NLRP7: variants seen among roughly 807,000 people sequenced by gnomAD.
The protein encoded by NLRP7 is NLR family pyrin domain containing 7, also known as NACHT, LRR and PYD domains-containing protein 7.
A neutral mutation model predicts 85.5 loss-of-function variants in NLRP7; 72 were observed. That is an observed-to-expected ratio of 0.84 (90% CI 0.70 to 1.02). The LOEUF (loss-of-function observed/expected upper bound fraction) is 1.02, where lower values mean the gene tolerates loss of function less well. Among genes scored for constraint, NLRP7 ranks in the 50% least tolerant of loss-of-function variants. NLRP7 has a pLI of 0.00. For missense variants in NLRP7, 1,243 were observed against 1,219.5 expected, an observed-to-expected ratio of 1.02 and a Z score of -0.29; for synonymous variants, 550 against 505.2, an observed-to-expected ratio of 1.09 and a Z score of -1.19.
chr19:54,949,451 C>T (rs1360974019), upstream of NLRP7, among the ~76,000 whole-genome samples: 1 of 151,944 alleles, frequency 6.6e-6, no homozygotes, highest in Non-Finnish European at 1.5e-5. Context: ...AAATTATATT[C>T]TAGCTGACAA....
chr19:54,946,082 C>G (rs1400621472), intron 1 of NLRP7, among the ~76,000 whole-genome samples: 1 of 151,918 alleles, frequency 6.6e-6, no homozygotes. Context: ...TGAGCCACCG[C>G]GCCCGGCCGA....
chr19:54,926,798 C>A (rs555440540), intron 9 of NLRP7, among the ~76,000 whole-genome samples: 18 of 151,806 alleles, frequency 1.2e-4, no homozygotes, highest in Non-Finnish European at 2.1e-4. Flanking sequence ...CGACTGTAAT[C>A]CTAGCTACTC....
chr19:54,944,670 G>A (rs1419799718), intron 1 of NLRP7, among the ~76,000 whole-genome samples: 1 of 152,074 alleles, frequency 6.6e-6, no homozygotes, highest in Non-Finnish European at 1.5e-5. Flanking sequence ...CTTCAGTGAG[G>A]TATAATTACA....
At chr19:54,936,061 C>T (rs1461661631) in intron 6 of NLRP7, among the ~76,000 whole-genome samples, 200 bp downstream of exon 6, 1 of 152,110 alleles carries the variant, frequency 6.6e-6, no homozygotes, top group Non-Finnish European at 1.5e-5. Flanking sequence ...TGTTTCTTTG[C>T]ATGGATAGCT....
chr19:54,953,661 A>G (rs1005380239), intron 1 of NLRP7, among the ~76,000 whole-genome samples: 6 of 151,594 alleles, frequency 4.0e-5, no homozygotes, highest in African/African-American at 1.2e-4. Flanking sequence ...TGGAGGTGGA[A>G]ATTGGGCATA....
chr19:54,960,931 T>TA (rs1026845469), intron 1 of NLRP7, among the ~76,000 whole-genome samples: 4 of 152,024 alleles, frequency 2.6e-5, no homozygotes, highest in Admixed American at 2.6e-4. Context: ...ATTTGAGTCT[T>TA]AAAAAAATAT....
chr19:54,958,893 A>C (rs1292574566), intron 1 of NLRP7, among the ~76,000 whole-genome samples: 1 of 152,148 alleles, frequency 6.6e-6, no homozygotes, highest in Non-Finnish European at 1.5e-5. Context: ...TGAGCAATCT[A>C]GGGGATACAT....
intron 1 of NLRP7, among the ~76,000 whole-genome samples, chr19:54,957,528 A>G (rs2069899023): frequency 1.3e-5 from 2 of 151,598 alleles, no homozygotes; most frequent in South Asian, 2.1e-4. Flanking sequence ...TATTTTTAGC[A>G]GAGATGGGGT....
chr19:54,935,069 AC>A (rs2068849865), intron 6 of NLRP7, among the ~76,000 whole-genome samples: 2 of 151,974 alleles, frequency 1.3e-5, no homozygotes, highest in Non-Finnish European at 2.9e-5. Flanking sequence ...CATGCCTCCA[AC>A]CCTGGCCTGA....
intron 8 of NLRP7, among the ~76,000 whole-genome samples, chr19:54,933,271 A>C (rs960582657): frequency 2.6e-5 from 4 of 151,842 alleles, no homozygotes; most frequent in Non-Finnish European, 5.9e-5. Flanking sequence ...TCATCCTCCC[A>C]AGTAGCTGGG....
In NLRP7 at chr19:54,944,305, C is replaced by T. The variant is rs532846766; in HGVS notation, c.-39-2555G>A. 5.9e-5 allele frequency among the ~76,000 whole-genome samples: 9 copies of T among 151,774 alleles called. 1 individual carries two copies. The highest frequency in any genetic ancestry group is 1.3e-4 in the Admixed American group (2 of 15,210). ...GAGATAGGGGAAAACCGCCTTAGGG[C>T]TGGAGGTGACACATGCTGGCAGCAA... On this transcript the variant is annotated intron_variant, in intron 1 of 9. Coordinates refer to ENST00000340844, the Ensembl canonical transcript of NLRP7.
chr19:54,939,110 T>C, exon 4 of NLRP7: 6 of 1,614,166 alleles, frequency 3.7e-6, no homozygotes, highest in Non-Finnish European at 5.1e-6. Flanking sequence ...GCCCAAGACC[T>C]CCTTCAGGTC....
At chr19:54,961,563 G>A (rs764832018) in intron 1 of NLRP7, among the ~76,000 whole-genome samples, 6 of 151,298 alleles carry the variant, frequency 4.0e-5, no homozygotes, top group Non-Finnish European at 5.9e-5. Flanking sequence ...GTGGCTGGGC[G>A]TGGTGGTTCA....
chr19:54,953,201 C>A, intron 1 of NLRP7: 1 of 152,282 alleles, frequency 6.6e-6, no homozygotes. Flanking sequence ...AGACAAAACT[C>A]CTCAGACACC....
At chr19:54,930,577 C>T (rs1203619898) in exon 9 of NLRP7, 2 of 1,612,298 alleles carry the variant, frequency 1.2e-6, no homozygotes, top group Non-Finnish European at 1.7e-6. Context: ...CTGGTTGATA[C>T]TCAAGTCCAG....
chr19:54,937,914 A>AG (rs1360411143), intron 5 of NLRP7, 130 bp downstream of exon 5: 17 of 766,998 alleles, frequency 2.2e-5, no homozygotes, highest in Non-Finnish European at 3.3e-5. Context: ...AAAAAAAAAA[A>AG]AAAAAAAGAC....
intron 1 of NLRP7, chr19:54,965,261 G>A (rs1312941551): frequency 9.9e-6 from 1 of 100,510 alleles, no homozygotes; most frequent in Admixed American, 9.2e-5. Context: ...GAAGTGCTCA[G>A]CAACGATTAC....
At chr19:54,955,329 C>A (rs2069817477) in intron 1 of NLRP7, among the ~76,000 whole-genome samples, 1 of 151,894 alleles carries the variant, frequency 6.6e-6, no homozygotes, top group African/African-American at 2.4e-5. Flanking sequence ...AACTCCGTCT[C>A]AAAAATAAAT....
chr19:54,962,584 TC>T (rs1360389831), intron 1 of NLRP7, among the ~76,000 whole-genome samples: 1 of 148,020 alleles, frequency 6.8e-6, no homozygotes, highest in Admixed American at 6.8e-5. Flanking sequence ...CATTTTCTTT[TC>T]TTTCTTTCTT....
Sources: allele counts gnomAD v4.1 joint callset (sites outside exome capture counted in the v4.1 genomes callset), GRCh38; gene constraint gnomAD v4.1.1; transcripts MANE v1.5; gene names NCBI Gene and HGNC (gene_info 2026-07-23, HGNC 2026-07-21).